LMOD1: variants seen among roughly 807,000 people sequenced by gnomAD.
The protein encoded by LMOD1 is leiomodin 1.
A neutral mutation model predicts 36.5 loss-of-function variants in LMOD1; 8 were observed. That is an observed-to-expected ratio of 0.22 (90% CI 0.13 to 0.40). LMOD1 has a LOEUF of 0.40. Ranked by LOEUF, LMOD1 falls within the 10% of genes least tolerant of loss-of-function variation. LMOD1 has a pLI of 1.00. For missense variants in LMOD1, 630 were observed against 751.1 expected, an observed-to-expected ratio of 0.84 and a Z score of 1.88; for synonymous variants, 284 against 288.7, an observed-to-expected ratio of 0.98 and a Z score of 0.17.
chr1:201,937,843 G>A (rs978685789), intron 1 of LMOD1, among the ~76,000 whole-genome samples: 1 of 152,106 alleles, frequency 6.6e-6, no homozygotes, highest in Non-Finnish European at 1.5e-5. Context: ...ACTCTATCCT[G>A]GCATTTAGAA....
chr1:201,927,588 C>CAA (rs72255474), intron 1 of LMOD1, among the ~76,000 whole-genome samples: 5,911 of 137,874 alleles, frequency 0.043, 302 homozygotes, highest in East Asian at 0.28. Flanking sequence ...ACAAAAAAAA[C>CAA]AAAAAAAAAA....
At chr1:201,907,231 G>C (rs370603157) in intron 1 of LMOD1, among the ~76,000 whole-genome samples, 1 of 152,324 alleles carries the variant, frequency 6.6e-6, no homozygotes, top group East Asian at 1.9e-4. Context: ...TGTGACCTTG[G>C]CTGAGACACT....
intron 1 of LMOD1, among the ~76,000 whole-genome samples, chr1:201,929,863 T>G (rs979481748): frequency 6.6e-5 from 10 of 152,240 alleles, no homozygotes; most frequent in Non-Finnish European, 1.3e-4. Context: ...TACATGCGAA[T>G]GGAACAGGAG....
chr1:201,896,892 C>A lies in LMOD1; in HGVS notation c.*1480G>T, dbSNP rs1020547671. 1 of 358,628 alleles carries A rather than the reference C, an allele frequency of 2.8e-6. No individual in the cohort carries two copies. Among genetic ancestry groups the A allele is most frequent in the African/African-American group, 2.1e-5 (1 of 46,756 alleles). 22.2% of individuals were successfully genotyped at this position (358,628 alleles called of 1,614,324 possible). On this transcript the variant is annotated 3_prime_UTR_variant, in exon 3 of 3. Transcript: ENST00000367288. ...GCGATCTTGCTTCCTAGCTGGGGCA[C>A]CCCACCCTCACCTCAAAGATGGTGA... is the stretch of plus-strand genomic sequence containing the variant.
intron 1 of LMOD1, among the ~76,000 whole-genome samples, chr1:201,918,384 CA>C (rs1248326114): frequency 6.6e-6 from 1 of 152,302 alleles, no homozygotes; most frequent in Admixed American, 6.5e-5. Context: ...AAAGACCTTT[CA>C]AAATGTGATT....
intron 1 of LMOD1, among the ~76,000 whole-genome samples, chr1:201,922,024 T>C (rs926318866): frequency 6.6e-6 from 1 of 152,016 alleles, no homozygotes; most frequent in Non-Finnish European, 1.5e-5. Flanking sequence ...CCCTTTGAGA[T>C]TGGCAAAACC....
intron 1 of LMOD1, among the ~76,000 whole-genome samples, chr1:201,943,715 C>T (rs1203570695): frequency 1.3e-5 from 2 of 152,200 alleles, no homozygotes; most frequent in African/African-American, 2.4e-5. Flanking sequence ...AATTTCATAG[C>T]TGGCCTTGAC....
chr1:201,912,922 G>A (rs1233349135), intron 1 of LMOD1, among the ~76,000 whole-genome samples: 2 of 152,108 alleles, frequency 1.3e-5, no homozygotes, highest in Non-Finnish European at 2.9e-5. Flanking sequence ...CACTGAGAAG[G>A]ACACCAGGGT....
intron 1 of LMOD1, among the ~76,000 whole-genome samples, chr1:201,911,974 C>G (rs1276437347): frequency 6.6e-6 from 1 of 152,144 alleles, no homozygotes; most frequent in African/African-American, 2.4e-5. Flanking sequence ...GTGGAGGAGG[C>G]CTGGCTGAGC....
intron 1 of LMOD1, among the ~76,000 whole-genome samples, chr1:201,940,748 A>ACT (rs1553299404): frequency 2.6e-3 from 328 of 125,226 alleles, no homozygotes; most frequent in Middle Eastern, 4.5e-3. Flanking sequence ...CACGCCCAGC[A>ACT]TTTTTTTTTT....
intron 1 of LMOD1, among the ~76,000 whole-genome samples, chr1:201,928,601 T>C (rs1421562434): frequency 6.6e-6 from 1 of 152,210 alleles, no homozygotes; most frequent in Non-Finnish European, 1.5e-5. Context: ...GCTGTATTAC[T>C]TTTCCTAGAT....
intron 1 of LMOD1, among the ~76,000 whole-genome samples, chr1:201,912,433 C>G (rs1382231753): frequency 6.6e-6 from 1 of 152,054 alleles, no homozygotes; most frequent in Admixed American, 6.6e-5. Flanking sequence ...GCCCCTATCA[C>G]TCTGTTTCTT....
At chr1:201,923,061 G>A (rs1332428372) in intron 1 of LMOD1, among the ~76,000 whole-genome samples, 1 of 152,144 alleles carries the variant, frequency 6.6e-6, no homozygotes. Context: ...TTGACCTCAG[G>A]TGATCCACCC....
chr1:201,933,595 T>TTATATA (rs71141426), intron 1 of LMOD1, among the ~76,000 whole-genome samples: 756 of 63,126 alleles, frequency 0.012, 20 homozygotes, highest in African/African-American at 0.032. Context: ...TATACATACA[T>TTATATA]TATATATATA....
chr1:201,930,239 A>G (rs941688550), intron 1 of LMOD1, among the ~76,000 whole-genome samples: 2 of 152,218 alleles, frequency 1.3e-5, no homozygotes, highest in Non-Finnish European at 2.9e-5. Context: ...AGGCTTTTAC[A>G]CAGGGAAGGT....
rs184820391 is a variant in LMOD1 at position 201,908,677 on chromosome 1, C to T, written c.262-7926G>A. ...CACTGCATAGCTGGAGCTCCCAGCC[C>T]CTGACCAAGGCAGGAGAGAGTAAGA... On this transcript the variant is annotated intron_variant, in intron 1 of 2. Transcript: ENST00000367288. Among the ~76,000 whole-genome samples, 36 of 152,218 alleles carry T rather than the reference C, an allele frequency of 2.4e-4. No homozygotes were observed. The East Asian group carries it at 5.4e-3, about 23-fold the overall frequency.
At chr1:201,908,994 T>TG (rs1303431699) in intron 1 of LMOD1, among the ~76,000 whole-genome samples, 1 of 152,246 alleles carries the variant, frequency 6.6e-6, no homozygotes, top group Non-Finnish European at 1.5e-5. Flanking sequence ...AGAAGAATGC[T>TG]GGCCATGTGG....
rs1301295917 is a variant in LMOD1, at chr1:201,901,545, T to C, written c.262-794A>G. Among the ~76,000 whole-genome samples the C allele has an allele frequency of 4.1e-3, 66 of 16,066 alleles. 5 individuals are homozygous for C. Among genetic ancestry groups the C allele is most frequent in the Non-Finnish European group, 6.1e-3 (56 of 9,116 alleles). 10.5% of individuals were successfully genotyped at this position (16,066 alleles called of 152,430 possible). A position where few individuals can be genotyped will look rare whatever the true frequency, so the allele number is the denominator to read the frequency against. On this transcript the variant is annotated intron_variant, in intron 1 of 2. Coordinates refer to ENST00000367288, the MANE Select transcript of LMOD1 (RefSeq NM_012134.3). Reference sequence around the variant, plus strand: ...ATATATATATGTATATATATATATATATATATACATATATATATGTATATA... The same window carrying C: ...ATATATATATGTATATATATATATACATATATACATATATATATGTATATA...
chr1:201,933,596 TA>T (rs1681967401), intron 1 of LMOD1, among the ~76,000 whole-genome samples: 3 of 1,118 alleles, frequency 2.7e-3, no homozygotes, highest in African/African-American at 3.4e-3. Context: ...ATACATACAT[TA>T]TATATATATA....
Sources: gnomAD v4.1 joint callset for allele counts (sites outside exome capture counted in the v4.1 genomes callset) on GRCh38, gnomAD v4.1.1 for gene constraint, MANE v1.5 for transcripts, NCBI Gene and HGNC (gene_info 2026-07-23, HGNC 2026-07-21) for gene names.